DNAJC18: variants seen among roughly 807,000 people sequenced by gnomAD.
The protein encoded by DNAJC18 is DnaJ heat shock protein family (Hsp40) member C18.
A neutral mutation model predicts 48.6 loss-of-function variants in DNAJC18; 40 were observed. The observed-to-expected ratio is 0.82, with a 90% CI of 0.64 to 1.07. The LOEUF is 1.07. Ranked by LOEUF, DNAJC18 falls within the 50% of genes least tolerant of loss-of-function variation. The probability of loss-of-function intolerance (pLI) is 0.00; values close to 1 mark genes in which losing one functional copy is unlikely to be tolerated. For missense variants in DNAJC18, 340 were observed against 427.7 expected (o/e 0.79, Z 1.81); for synonymous variants, 135 against 152.2 (o/e 0.89, Z 0.83).
At chr5:139,421,454 C>T (rs1396183038) in intron 6 of DNAJC18, among the ~76,000 whole-genome samples, 1 of 151,360 alleles carries the variant, frequency 6.6e-6, no homozygotes. Context: ...AAGACTGCTT[C>T]GAAAACAAAA....
intron 5 of DNAJC18, among the ~76,000 whole-genome samples, chr5:139,423,894 G>A (rs1759195129): frequency 6.6e-6 from 1 of 152,168 alleles, no homozygotes; most frequent in Non-Finnish European, 1.5e-5. Flanking sequence ...TTGACACCCA[G>A]TAATCCCCCT....
Position 139,412,754 on chromosome 5 carries a change from G to A in DNAJC18, c.*1394C>T, listed in dbSNP as rs1279950802. 5.0e-6 allele frequency: 2 copies of A among 398,500 alleles called. No individual in the cohort carries two copies. The highest frequency in any genetic ancestry group is 4.1e-5 in the African/African-American group (2 of 48,624). The allele number at this position is 398,500 out of a possible 1,614,324, so 24.7% of individuals were successfully genotyped here. On this transcript the variant is annotated 3_prime_UTR_variant, in exon 8 of 8. Coordinates refer to ENST00000302060, the MANE Select transcript of DNAJC18 (RefSeq NM_152686.4). ...CAGTGGAGGGCTGCCTGCCTGTGAG[G>A]GACCTCTTATTTTGTGTACAGAATT...
intron 7 of DNAJC18, chr5:139,419,292 G>A (rs1053008009): frequency 1.9e-5 from 7 of 373,582 alleles, no homozygotes; most frequent in Non-Finnish European, 2.6e-5. Flanking sequence ...TGGCTGAGAC[G>A]GGGCTACCCC....
chr5:139,420,349 A>G (rs563822443), intron 6 of DNAJC18, 124 bp from the exon 7 acceptor site: 1 of 964,910 alleles, frequency 1.0e-6, no homozygotes, highest in Non-Finnish European at 1.5e-6. Flanking sequence ...TCATTTTCTA[A>G]TATACCCAAC....
intron 1 of DNAJC18, 59 bp from the exon 2 acceptor site, chr5:139,437,617 C>G: frequency 6.5e-7 from 1 of 1,548,146 alleles, no homozygotes; most frequent in East Asian, 2.3e-5. Flanking sequence ...AACTTTGCAA[C>G]CTGCCTTTCC....
intron 2 of DNAJC18, among the ~76,000 whole-genome samples, chr5:139,435,704 A>ATTTTTTTT (rs1561470246): frequency 6.0e-4 from 12 of 20,126 alleles, no homozygotes; most frequent in Non-Finnish European, 1.4e-3. Context: ...CTTCATTGGA[A>ATTTTTTTT]GTTTTTTTTT....
rs1350541817 is a variant in DNAJC18, at chr5:139,412,572, AG to A, written c.*1575del. 7.5e-6 allele frequency: 3 copies of A among 397,394 alleles called. No homozygotes were observed. The highest frequency in any genetic ancestry group is 1.3e-5 in the Non-Finnish European group (3 of 225,776). 24.6% of individuals were successfully genotyped at this position (397,394 alleles called of 1,614,324 possible). ...CAGTGCACCCGGCCGACTCTCTACC[AG>A]AAACTTTTCTTCCAATATGAAGGAA... On this transcript the variant is annotated 3_prime_UTR_variant, in exon 8 of 8. Transcript: ENST00000302060.
At position 139,412,884 on chromosome 5, in the gene DNAJC18, G is replaced by T; in HGVS notation, c.*1264C>A. On this transcript the variant is annotated 3_prime_UTR_variant, in exon 8 of 8. Coordinates refer to ENST00000302060, the MANE Select transcript of DNAJC18 (RefSeq NM_152686.4). Reference sequence around the variant, plus strand: ...GAGGGGTCATGGGGTTGGGGAGGACGGAGGCATCCTCGGGAAAGGTTCTGC... The same window carrying T: ...GAGGGGTCATGGGGTTGGGGAGGACTGAGGCATCCTCGGGAAAGGTTCTGC... 2.5e-6 allele frequency: 1 copy of T among 398,638 alleles called. No homozygotes were observed. The highest frequency in any genetic ancestry group is 4.4e-6 in the Non-Finnish European group (1 of 226,102). 24.7% of individuals were successfully genotyped at this position (398,638 alleles called of 1,614,324 possible). A position where few individuals can be genotyped will look rare whatever the true frequency, so the allele number is the denominator to read the frequency against.
At position 139,439,206 on chromosome 5, in the gene DNAJC18, C is replaced by G. The variant is rs914415737; in HGVS notation, c.40+200G>C. Reference sequence around the variant, plus strand: ...GGGCTGGGGGCCGGAGGCAACAAGTCGTCACCGGTGACTCTGGGCTCGCGG... The same window carrying G: ...GGGCTGGGGGCCGGAGGCAACAAGTGGTCACCGGTGACTCTGGGCTCGCGG... On this transcript the variant is annotated intron_variant, in intron 1 of 7. Coordinates refer to ENST00000302060, the MANE Select transcript of DNAJC18 (RefSeq NM_152686.4). This position sits in a 1 kb window ranked among gnomAD's most constrained non-coding sequence, Gnocchi z 4.1. Among the ~76,000 whole-genome samples the G allele has an allele frequency of 1.3e-5, 2 of 151,922 alleles. No homozygotes were observed. Among genetic ancestry groups the G allele is most frequent in the Admixed American group, 1.3e-4 (2 of 15,264 alleles).
chr5:139,429,754 A>G (rs369011533), intron 2 of DNAJC18, among the ~76,000 whole-genome samples: 29 of 152,122 alleles, frequency 1.9e-4, no homozygotes, highest in African/African-American at 6.3e-4. Context: ...GTAAGACCCT[A>G]TCTCTATGAA....
chr5:139,413,175 A>G lies in DNAJC18; in HGVS notation c.*973T>C, dbSNP rs966672629. On this transcript the variant is annotated 3_prime_UTR_variant, in exon 8 of 8. Coordinates refer to ENST00000302060, the MANE Select transcript of DNAJC18 (RefSeq NM_152686.4). ...GAAAAATCATCTCAAATCACAAACT[A>G]TAGGATACTGGGTTAAACAAAGTGG... is the stretch of plus-strand genomic sequence containing the variant. 2 of 306,772 alleles carry G rather than the reference A, an allele frequency of 6.5e-6. No individual in the cohort carries two copies. Among genetic ancestry groups the G allele is most frequent in the Non-Finnish European group, 1.2e-5 (2 of 168,650 alleles). The allele number at this position is 306,772 out of a possible 1,614,324, so 19.0% of individuals were successfully genotyped here.
rs1335500972 is a variant in DNAJC18 at position 139,437,420 on chromosome 5, C to T, written c.179G>A (p.Gly60Asp). 6.2e-7 allele frequency: 1 copy of T among 1,614,064 alleles called. No homozygotes were observed. The highest frequency in any genetic ancestry group is 1.3e-5 in the African/African-American group (1 of 75,052). The stretch of plus-strand genomic sequence containing the variant: ...CTCACTATACGTGGAGTTCCCCTCA[C>T]CCTGCCGGGTCTGAGTCCACTCATT... Reference protein sequence around the residue: ...SENEWTQTRQGEGNSTYSEEQ... With the variant: ...SENEWTQTRQDEGNSTYSEEQ... The change falls in exon 2 of 8, where the codon GGT becomes GAT. Residue 60 changes from glycine (G) to aspartate (D), a missense_variant. Physicochemically the swap from Gly to Asp is moderately conservative, Grantham distance 94 (BLOSUM62 -1). Coordinates refer to ENST00000302060, the MANE Select transcript of DNAJC18 (RefSeq NM_152686.4).
intron 5 of DNAJC18, 97 bp downstream of exon 5, chr5:139,424,908 A>G: frequency 1.9e-6 from 2 of 1,027,012 alleles, no homozygotes; most frequent in South Asian, 1.4e-5. Flanking sequence ...CTAAAGCAAC[A>G]TATCTCAGGT....
At chr5:139,426,447 A>T in intron 3 of DNAJC18, 90 bp from the exon 4 acceptor site, 1 of 1,476,762 alleles carries the variant, frequency 6.8e-7, no homozygotes, top group African/African-American at 1.4e-5. Flanking sequence ...CCTAGAGGTG[A>T]CTCGTGCTGG....
Position 139,415,942 on chromosome 5 carries a change from T to C in DNAJC18, c.953-1670A>G, listed in dbSNP as rs1356730527. Among the ~76,000 whole-genome samples the C allele has an allele frequency of 2.0e-5, 3 of 152,364 alleles. No homozygotes were observed. In the East Asian group the frequency reaches 5.8e-4, roughly 29 times the overall value. On this transcript the variant is annotated intron_variant, in intron 7 of 7. Transcript: ENST00000302060. ...CTAGTGACTCTTTATATTTTCTACA[T>C]TGAAGGCCACTTCAACAAGCTGATG...
intron 5 of DNAJC18, 26 bp downstream of exon 5, chr5:139,424,979 A>G: frequency 6.3e-7 from 1 of 1,594,642 alleles, no homozygotes; most frequent in Non-Finnish European, 8.6e-7. Context: ...GTTTATGGGC[A>G]GCAGTGCTCC....
chr5:139,431,438 A>C (rs1759328095), intron 2 of DNAJC18, among the ~76,000 whole-genome samples: 1 of 152,190 alleles, frequency 6.6e-6, no homozygotes, highest in Non-Finnish European at 1.5e-5. Context: ...AATATTTTAC[A>C]TAAAAGGAGT....
In DNAJC18 at chr5:139,428,514, T is replaced by A; in HGVS notation, c.373+24A>T. ...ATGACCAACCATGACAAGGGCACCA[T>A]TGAGCATTGGTTCAGGATCAGACCT... On this transcript the variant is annotated intron_variant, in intron 3 of 7. Coordinates refer to ENST00000302060, the MANE Select transcript of DNAJC18 (RefSeq NM_152686.4). The A allele has an allele frequency of 3.1e-6, 5 of 1,599,450 alleles. No individual in the cohort carries two copies. The South Asian group carries it at 5.7e-5, about 18-fold the overall frequency.
chr5:139,416,828 T>C (rs999743551), intron 7 of DNAJC18, among the ~76,000 whole-genome samples: 5 of 152,208 alleles, frequency 3.3e-5, no homozygotes, highest in African/African-American at 1.2e-4. Context: ...AGGCTTACTA[T>C]CTAGATGCAG....
Sources: gnomAD v4.1 joint callset for allele counts (sites outside exome capture counted in the v4.1 genomes callset) on GRCh38, gnomAD v4.1.1 for gene constraint, Gnocchi (gnomAD v3.1) non-coding constraint, MANE v1.5 for transcripts, NCBI Gene and HGNC (gene_info 2026-07-23, HGNC 2026-07-21) for gene names.